The following SPPL2A variants were observed in gnomAD, a reference collection of about 807,000 sequenced individuals.
The protein encoded by SPPL2A is signal peptide peptidase-like 2A.
Under a neutral mutation model 63.8 loss-of-function variants are expected in SPPL2A, and 51 were observed. That is an observed-to-expected ratio of 0.80 (90% CI 0.64 to 1.01). The LOEUF (loss-of-function observed/expected upper bound fraction) is 1.01, where lower values mean the gene tolerates loss of function less well. Ranked by LOEUF, SPPL2A falls within the 50% of genes least tolerant of loss-of-function variation. The probability of loss-of-function intolerance (pLI) is 0.00; values close to 1 mark genes in which losing one functional copy is unlikely to be tolerated. For synonymous variants in SPPL2A, 188 were observed against 205.8 expected (o/e 0.91, Z 0.74); for missense variants, 553 against 622.7 (o/e 0.89, Z 1.19).
intron 14 of SPPL2A, among the ~76,000 whole-genome samples, chr15:50,716,001 T>C (rs2141021328): frequency 6.6e-6 from 1 of 152,210 alleles, no homozygotes; most frequent in Admixed American, 6.5e-5. Context: ...AAATAAAATA[T>C]AAAATGCACT....
intron 14 of SPPL2A, among the ~76,000 whole-genome samples, chr15:50,718,151 T>C (rs1244557701): frequency 1.3e-5 from 2 of 151,950 alleles, no homozygotes. Context: ...ATTTTTTTTG[T>C]ATTTTTTAGT....
intron 14 of SPPL2A, among the ~76,000 whole-genome samples, chr15:50,716,874 T>C (rs1352101278): frequency 6.6e-6 from 1 of 152,222 alleles, no homozygotes; most frequent in African/African-American, 2.4e-5. Flanking sequence ...GGTCTGTCTC[T>C]TGCACATCAG....
At chr15:50,737,524 C>T (rs2141041210) in intron 6 of SPPL2A, among the ~76,000 whole-genome samples, 1 of 152,260 alleles carries the variant, frequency 6.6e-6, no homozygotes, top group African/African-American at 2.4e-5. Context: ...GCAATCTTGG[C>T]TCACCGCAAC....
chr15:50,707,630 C>A lies in SPPL2A; in HGVS notation c.*170G>T, dbSNP rs1001542023. 5.4e-6 allele frequency: 3 copies of A among 555,212 alleles called. No individual in the cohort carries two copies. Among genetic ancestry groups the A allele is most frequent in the Non-Finnish European group, 9.6e-6 (3 of 312,772 alleles). 34.4% of individuals were successfully genotyped at this position (555,212 alleles called of 1,614,324 possible). ...GAAGGCACAACTTTAACATTAAAAG[C>A]AAAGCGTTTTAGTTATTTATGATGT... On this transcript the variant is annotated 3_prime_UTR_variant, in exon 15 of 15. Transcript: ENST00000261854.
At chr15:50,729,668 GA>G (rs761361527) in intron 10 of SPPL2A, among the ~76,000 whole-genome samples, 8 of 148,870 alleles carry the variant, frequency 5.4e-5, no homozygotes, top group East Asian at 2.0e-4. Flanking sequence ...CAAAGAAGAG[GA>G]AAAAAAAAAG....
chr15:50,709,133 A>G (rs2062537228), intron 14 of SPPL2A, among the ~76,000 whole-genome samples: 1 of 152,206 alleles, frequency 6.6e-6, no homozygotes, highest in Non-Finnish European at 1.5e-5. Flanking sequence ...TTGGAAATGA[A>G]GGATGAAGAA....
intron 5 of SPPL2A, among the ~76,000 whole-genome samples, chr15:50,741,592 T>A (rs2062820847): frequency 6.7e-6 from 1 of 150,348 alleles, no homozygotes; most frequent in Non-Finnish European, 1.5e-5. Context: ...ATTCAATATC[T>A]ATTCATAGTC....
Position 50,764,610 on chromosome 15 carries a change from G to C in SPPL2A, c.66+858C>G, listed in dbSNP as rs78484086. 2.0e-5 allele frequency: 3 copies of C among 152,208 alleles called. No individual in the cohort carries two copies. The East Asian group carries it at 5.8e-4, about 29-fold the overall frequency. The allele number at this position is 152,208 out of a possible 1,614,324, so 9.4% of individuals were successfully genotyped here. ...ACCAATTCTGTAATAAATAACATGC[G>C]TAAGTTTCCAACCTGAAACTCCCTA... is the stretch of plus-strand genomic sequence containing the variant. On this transcript the variant is annotated intron_variant, in intron 1 of 14. Coordinates refer to ENST00000261854, the MANE Select transcript of SPPL2A (RefSeq NM_032802.4).
chr15:50,717,710 C>A (rs7165492), intron 14 of SPPL2A, among the ~76,000 whole-genome samples: 14,571 of 152,192 alleles, frequency 0.096, 785 homozygotes, highest in South Asian at 0.15. Flanking sequence ...GAGTTTCTAG[C>A]ATGTGCCATG....
intron 14 of SPPL2A, among the ~76,000 whole-genome samples, chr15:50,712,466 A>T (rs1414117466): frequency 6.6e-6 from 1 of 151,958 alleles, no homozygotes; most frequent in Non-Finnish European, 1.5e-5. Context: ...GCCAGAGCTG[A>T]CCCTCAGGCC....
At chr15:50,742,735 T>C (rs2062832019) in intron 5 of SPPL2A, 1 of 152,172 alleles carries the variant, frequency 6.6e-6, no homozygotes, top group Admixed American at 6.6e-5. Flanking sequence ...GCCCCCTCAA[T>C]TTTAAAATCC....
rs1196710672 is a variant in SPPL2A at position 50,703,356 on chromosome 15, A to ATATATATATATTTTTTTT, written c.*4443_*4444insAAAAAAAATATATATATA. On this transcript the variant is annotated 3_prime_UTR_variant, in exon 15 of 15. Coordinates refer to ENST00000261854, the MANE Select transcript of SPPL2A (RefSeq NM_032802.4). ...TATATATATATATATACATATATATATTTTTTTTTTTTTTTTTTTTTTTTG... is the reference window on the plus strand; with the variant it reads ...TATATATATATATATACATATATATATATATATATATTTTTTTTTTTTTTTTTTTTTTTTTTTTTTTTG... 3.2e-5 allele frequency: 2 copies of ATATATATATATTTTTTTT among 62,046 alleles called. No individual in the cohort carries two copies. The highest frequency in any genetic ancestry group is 1.4e-4 in the African/African-American group (2 of 14,228). 3.8% of individuals were successfully genotyped at this position (62,046 alleles called of 1,614,324 possible).
At chr15:50,716,477 GAGCCA>G (rs2062599916) in intron 14 of SPPL2A, among the ~76,000 whole-genome samples, 1 of 152,166 alleles carries the variant, frequency 6.6e-6, no homozygotes, top group Non-Finnish European at 1.5e-5. Context: ...TTACAGGCGT[GAGCCA>G]CTGCACCTAG....
Position 50,706,259 on chromosome 15 carries a change from G to A in SPPL2A, c.*1541C>T, listed in dbSNP as rs960815145. On this transcript the variant is annotated 3_prime_UTR_variant, in exon 15 of 15. Transcript: ENST00000261854. ...ACAAAAAATAGCCGGGCGTAGTGGC[G>A]GGCGCCTGTAGTCCTAGCTACTTGG... is the stretch of plus-strand genomic sequence containing the variant. 6.6e-6 allele frequency: 1 copy of A among 150,518 alleles called. No individual in the cohort carries two copies. The highest frequency in any genetic ancestry group is 1.5e-5 in the Non-Finnish European group (1 of 67,360). The allele number at this position is 150,518 out of a possible 1,614,324, so 9.3% of individuals were successfully genotyped here. A position where few individuals can be genotyped will look rare whatever the true frequency, so the allele number is the denominator to read the frequency against.
chr15:50,728,485 A>G (rs936296053), intron 10 of SPPL2A, among the ~76,000 whole-genome samples: 2 of 151,688 alleles, frequency 1.3e-5, no homozygotes, highest in Non-Finnish European at 2.9e-5. Context: ...CTGGGACTAC[A>G]GGTGCCCGCC....
At chr15:50,746,815 G>C (rs141677856) in intron 5 of SPPL2A, 1 of 152,106 alleles carries the variant, frequency 6.6e-6, no homozygotes, top group East Asian at 1.9e-4. Flanking sequence ...TTACAGGCAC[G>C]CACCACTGCA....
At position 50,706,366 on chromosome 15, in the gene SPPL2A, G is replaced by A. The variant is rs2062508960; in HGVS notation, c.*1434C>T. ...GATCCCGCCACTGCACTCCAGCCTG[G>A]GCGACAGAGCGAGACTCCGTCTCAA... On this transcript the variant is annotated 3_prime_UTR_variant, in exon 15 of 15. Coordinates refer to ENST00000261854, the MANE Select transcript of SPPL2A (RefSeq NM_032802.4). 1 of 143,290 alleles carries A rather than the reference G, an allele frequency of 7.0e-6. No homozygotes were observed. Among genetic ancestry groups the A allele is most frequent in the African/African-American group, 2.6e-5 (1 of 38,480 alleles). 8.9% of individuals were successfully genotyped at this position (143,290 alleles called of 1,614,324 possible). A position where few individuals can be genotyped will look rare whatever the true frequency, so the allele number is the denominator to read the frequency against.
At chr15:50,750,761 G>C (rs912827471) in intron 1 of SPPL2A, among the ~76,000 whole-genome samples, 14 of 152,160 alleles carry the variant, frequency 9.2e-5, no homozygotes, top group African/African-American at 3.4e-4. Flanking sequence ...AATAGATTAA[G>C]AGTTCACATC....
At chr15:50,748,976 T>A in intron 2 of SPPL2A, 106 bp from the exon 3 acceptor site, 1 of 602,476 alleles carries the variant, frequency 1.7e-6, no homozygotes, top group East Asian at 3.2e-5. Context: ...TAAGACAATA[T>A]CTTTTGAATT....
Sources: allele counts gnomAD v4.1 joint callset (sites outside exome capture counted in the v4.1 genomes callset), GRCh38; gene constraint gnomAD v4.1.1; transcripts MANE v1.5; gene names NCBI Gene and HGNC (gene_info 2026-07-23, HGNC 2026-07-21).